PXDN: variants seen among roughly 807,000 people sequenced by gnomAD.
PXDN encodes the protein peroxidasin homolog.
A neutral mutation model predicts 140.3 loss-of-function variants in PXDN; 77 were observed. The observed-to-expected ratio is 0.55, with a 90% CI of 0.46 to 0.66. The LOEUF (loss-of-function observed/expected upper bound fraction) is 0.66, where lower values mean the gene tolerates loss of function less well. Ranked by LOEUF, PXDN falls within the 30% of genes least tolerant of loss-of-function variation. The pLI is 0.00. For synonymous variants in PXDN, 911 were observed against 857.4 expected (o/e 1.06, Z -1.09); for missense variants, 1,838 against 2,039.5 (o/e 0.90, Z 1.90).
intron 1 of PXDN, among the ~76,000 whole-genome samples, chr2:1,727,955 A>G (rs1372271708): frequency 6.6e-6 from 1 of 152,110 alleles, no homozygotes; most frequent in Non-Finnish European, 1.5e-5. Context: ...CTCTTCTTTG[A>G]GACAGGGTCT....
chr2:1,726,183 G>C (rs1685179051), intron 1 of PXDN, among the ~76,000 whole-genome samples: 1 of 151,864 alleles, frequency 6.6e-6, no homozygotes, highest in South Asian at 2.1e-4. Context: ...CAACCCAAAT[G>C]TCCAACAATG....
intron 1 of PXDN, among the ~76,000 whole-genome samples, chr2:1,730,283 A>G (rs1027219700): frequency 6.6e-6 from 1 of 152,236 alleles, no homozygotes; most frequent in Non-Finnish European, 1.5e-5. Flanking sequence ...TGGGTAAAAG[A>G]GCAGGCATCA....
rs74488263 is a variant in PXDN at position 1,709,796 on chromosome 2, A to G, written c.201-16662T>C. Among the ~76,000 whole-genome samples, 1,103 of 152,292 alleles carry G rather than the reference A, an allele frequency of 7.2e-3. 15 individuals are homozygous for G. Among genetic ancestry groups the G allele is most frequent in the African/African-American group, 0.025 (1,049 of 41,554 alleles). On this transcript the variant is annotated intron_variant, in intron 1 of 22. Coordinates refer to ENST00000252804, the MANE Select transcript of PXDN (RefSeq NM_012293.3). ...TCTAGGAAGAGGAAGCAACCCAGAG[A>G]GCGTGTTTCTCTTTCTCCACCATGT...
At chr2:1,662,665 T>C (rs1193128024) in intron 12 of PXDN, among the ~76,000 whole-genome samples, 3 of 152,066 alleles carry the variant, frequency 2.0e-5, no homozygotes, top group African/African-American at 7.2e-5. Flanking sequence ...GGGGAGCCGT[T>C]CAGGAATCCC....
intron 1 of PXDN, among the ~76,000 whole-genome samples, chr2:1,696,606 G>A (rs1684306328): frequency 6.6e-6 from 1 of 152,198 alleles, no homozygotes; most frequent in South Asian, 2.1e-4. Flanking sequence ...GAACAGAGAT[G>A]AAGAAACACT....
At position 1,651,975 on chromosome 2, in the gene PXDN, G is replaced by A. The variant is rs994206928; in HGVS notation, c.2104+1653C>T. 3.3e-5 allele frequency among the ~76,000 whole-genome samples: 5 copies of A among 152,258 alleles called. No individual in the cohort carries two copies. Among genetic ancestry groups the A allele is most frequent in the South Asian group, 4.1e-4 (2 of 4,838 alleles). ...TGACAGGCAGGTGGAACGAATAAGT[G>A]AAGAAATGAGTGCCTGCATGTGCAC... On this transcript the variant is annotated intron_variant, in intron 16 of 22. Coordinates refer to ENST00000252804, the MANE Select transcript of PXDN (RefSeq NM_012293.3). The surrounding 1 kb of genome is among the most constrained non-coding windows in gnomAD (Gnocchi z 4.4).
At chr2:1,701,191 A>G (rs1394914343) in intron 1 of PXDN, among the ~76,000 whole-genome samples, 2 of 152,178 alleles carry the variant, frequency 1.3e-5, no homozygotes, top group Non-Finnish European at 2.9e-5. Context: ...GCTTCCTACT[A>G]AGGACTGCCT....
chr2:1,635,175 G>A (rs367942719), intron 22 of PXDN, among the ~76,000 whole-genome samples: 4 of 141,960 alleles, frequency 2.8e-5, no homozygotes, highest in South Asian at 2.4e-4. Flanking sequence ...GGGGCTGCCC[G>A]CCCTCTGTGG....
intron 8 of PXDN, 64 bp downstream of exon 8, chr2:1,676,863 G>C: frequency 6.8e-7 from 1 of 1,470,000 alleles, no homozygotes; most frequent in Non-Finnish European, 9.4e-7. Context: ...GTGAGGTGTG[G>C]TTTGGGTGTC....
At chr2:1,717,486 C>T (rs1398546244) in intron 1 of PXDN, among the ~76,000 whole-genome samples, 3 of 152,172 alleles carry the variant, frequency 2.0e-5, no homozygotes, top group Admixed American at 2.0e-4. Context: ...ACCCCTGAAT[C>T]TTTGTAAACT....
At chr2:1,744,520 G>T, upstream of PXDN, 1 of 1,282,076 alleles carries the variant, frequency 7.8e-7, no homozygotes. Context: ...GACTGCGCCC[G>T]CCCGGCCGCG....
At chr2:1,683,625 G>C (rs1291058059) in intron 6 of PXDN, 31 bp downstream of exon 6, 2 of 1,357,300 alleles carry the variant, frequency 1.5e-6, no homozygotes, top group Non-Finnish European at 2.0e-6. Flanking sequence ...AGGCTTTGCA[G>C]CAAAGAAAAC....
At chr2:1,709,926 G>A (rs752443726) in intron 1 of PXDN, among the ~76,000 whole-genome samples, 1 of 152,174 alleles carries the variant, frequency 6.6e-6, no homozygotes, top group Non-Finnish European at 1.5e-5. Flanking sequence ...CCACCACTGT[G>A]AGAAAATAAA....
At chr2:1,713,414 C>A (rs1409877809) in intron 1 of PXDN, among the ~76,000 whole-genome samples, 1 of 152,222 alleles carries the variant, frequency 6.6e-6, no homozygotes, top group Non-Finnish European at 1.5e-5. Context: ...AGGAAATCTG[C>A]GGCTCAGAGG....
chr2:1,670,961 C>T (rs138407349), intron 9 of PXDN, among the ~76,000 whole-genome samples: 25 of 152,246 alleles, frequency 1.6e-4, no homozygotes, highest in African/African-American at 6.0e-4. Flanking sequence ...CCCCCCACAT[C>T]AGGCAGAAGG....
At chr2:1,658,367 G>A (rs979923668) in intron 14 of PXDN, among the ~76,000 whole-genome samples, 1 of 151,954 alleles carries the variant, frequency 6.6e-6, no homozygotes. Flanking sequence ...TCCCCAAGCC[G>A]GTTCCTCCCC....
In PXDN at chr2:1,666,247, T is replaced by C; in HGVS notation, c.1258A>G (p.Ser420Gly). 1 of 1,614,048 alleles carries C rather than the reference T, an allele frequency of 6.2e-7. No homozygotes were observed. Among genetic ancestry groups the C allele is most frequent in the Non-Finnish European group, 8.5e-7 (1 of 1,179,898 alleles). Residue 420 changes from serine (S) to glycine (G), a missense_variant, in exon 10 of 23, where the codon AGC becomes GGC. Around this residue, in one of 5 missense-constraint regions of PXDN, gnomAD observed 537 missense variants for 583.9 expected, o/e 0.92. Transcript: ENST00000252804. ...ATGATGAAAGCGGTGGCATGGACGC[T>C]GTCAATGTTGTTGGTCGCAGAGCAC... ...YACSATNNID[S>G]VHATAFIIVQ...
chr2:1,655,983 C>T (rs1012011511), intron 14 of PXDN, among the ~76,000 whole-genome samples: 41 of 151,814 alleles, frequency 2.7e-4, no homozygotes, highest in African/African-American at 9.9e-4. Context: ...GCACATAGCC[C>T]ATCAAACATA....
Position 1,648,141 on chromosome 2 carries a change from C to A in PXDN, c.3608+31G>T, listed in dbSNP as rs371997326. On this transcript the variant is annotated intron_variant, in intron 17 of 22. Transcript: ENST00000252804. This position sits in a 1 kb window ranked among gnomAD's most constrained non-coding sequence, Gnocchi z 8.9. Reference sequence around the variant, plus strand: ...CAGGTGTTCCAGGTGCCTAGGTACACGAGCCATCCCACACAGCCTCTTCAG... The same window carrying A: ...CAGGTGTTCCAGGTGCCTAGGTACAAGAGCCATCCCACACAGCCTCTTCAG... 14 of 1,595,064 alleles carry A rather than the reference C, an allele frequency of 8.8e-6. No individual in the cohort carries two copies. Among genetic ancestry groups the A allele is most frequent in the Non-Finnish European group, 1.1e-5 (13 of 1,168,034 alleles).
Sources: gnomAD v4.1 joint callset for allele counts (sites outside exome capture counted in the v4.1 genomes callset) on GRCh38, gnomAD v4.1.1 for gene constraint, gnomAD v4.1.1 regional missense constraint, Gnocchi (gnomAD v3.1) non-coding constraint, MANE v1.5 for transcripts, NCBI Gene and HGNC (gene_info 2026-07-23, HGNC 2026-07-21) for gene names.